SULT1B1: variants seen among roughly 807,000 people sequenced by gnomAD.
SULT1B1 encodes sulfotransferase family 1B member 1.
SULT1B1 carries 28 observed loss-of-function variants against 34.6 expected under a neutral mutation model. The ratio of observed to expected loss-of-function variants is 0.81; its 90% CI spans 0.60 to 1.11. The LOEUF (loss-of-function observed/expected upper bound fraction) is 1.11. Among genes scored for constraint, SULT1B1 ranks in the 50% least tolerant of loss-of-function variants. SULT1B1 has a pLI of 0.00. For synonymous variants in SULT1B1, 147 were observed against 110.2 expected, an observed-to-expected ratio of 1.33 and a Z score of -2.09; for missense variants, 374 against 352.2, an observed-to-expected ratio of 1.06 and a Z score of -0.50.
chr4:69,757,911 T>C (rs950627044), intron 1 of SULT1B1, among the ~76,000 whole-genome samples: 2 of 152,160 alleles, frequency 1.3e-5, no homozygotes, highest in Non-Finnish European at 2.9e-5. Flanking sequence ...AGTCTCAAAA[T>C]AGATTAGACA....
At chr4:69,744,326 G>T (rs982450970) in intron 4 of SULT1B1, among the ~76,000 whole-genome samples, 12 of 152,192 alleles carry the variant, frequency 7.9e-5, no homozygotes, top group African/African-American at 2.9e-4. Context: ...TTGTACAAAG[G>T]AACCCGACAC....
intron 1 of SULT1B1, among the ~76,000 whole-genome samples, chr4:69,755,526 A>G (rs1719156105): frequency 6.6e-6 from 1 of 152,174 alleles, no homozygotes; most frequent in Non-Finnish European, 1.5e-5. Context: ...AGCGTGTTTC[A>G]CAGAAATATG....
chr4:69,756,467 A>G (rs1015853419), intron 1 of SULT1B1, among the ~76,000 whole-genome samples: 1 of 152,170 alleles, frequency 6.6e-6, no homozygotes, highest in African/African-American at 2.4e-5. Flanking sequence ...TGGTAGACTG[A>G]GTGATTGTCC....
chr4:69,748,467 C>A (rs985842834), intron 4 of SULT1B1, among the ~76,000 whole-genome samples: 1 of 152,070 alleles, frequency 6.6e-6, no homozygotes, highest in African/African-American at 2.4e-5. Context: ...GATAGAACTG[C>A]TAGACATAAA....
intron 6 of SULT1B1, 127 bp from the exon 7 acceptor site, chr4:69,730,808 G>T: frequency 3.7e-6 from 3 of 803,672 alleles, no homozygotes; most frequent in South Asian, 2.2e-5. Context: ...ATTTGTTTGG[G>T]TTTTTCTCAA....
At position 69,734,185 on chromosome 4, in the gene SULT1B1, A is replaced by G. The variant is rs574561620; in HGVS notation, c.455T>C (p.Phe152Ser). 1.9e-6 allele frequency: 3 copies of G among 1,612,834 alleles called. No homozygotes were observed. Among genetic ancestry groups the G allele is most frequent in the Non-Finnish European group, 2.5e-6 (3 of 1,179,308 alleles). The stretch of plus-strand genomic sequence containing the variant: ...CAGATATTCTTCCCAGGTACCAGGA[A>G]AAGGCTGTAAATTATTCATTAAGTC... The part of the protein sequence containing the change: ...HFDLMNNLQP[F>S]PGTWEEYLEK... Residue 152 changes from phenylalanine to serine, a missense_variant, in exon 5 of 8, where the codon TTT (phenylalanine) becomes TCT (serine). Phe to Ser is a radical substitution (Grantham distance 155, BLOSUM62 -2). Transcript: ENST00000310613.
Position 69,734,332 on chromosome 4 carries a change from C to T in SULT1B1, c.376-68G>A, listed in dbSNP as rs560738567. 19 of 1,521,502 alleles carry T rather than the reference C, an allele frequency of 1.2e-5. No individual in the cohort carries two copies. In the East Asian group the frequency reaches 4.1e-4, roughly 33 times the overall value. The allele number at this position is 1,521,502 out of a possible 1,614,324, so 94.3% of individuals were successfully genotyped here. A position where few individuals can be genotyped will look rare whatever the true frequency, so the allele number is the denominator to read the frequency against. ...GACATTTTGTTTAGGAAAAAATTAA[C>T]CTATACGCATGTAAAAAAGCAGAGT... On this transcript the variant is annotated intron_variant, in intron 4 of 7. Transcript: ENST00000310613.
chr4:69,749,860 A>G, intron 3 of SULT1B1, 42 bp from the exon 4 acceptor site: 1 of 1,469,588 alleles, frequency 6.8e-7, no homozygotes, highest in South Asian at 1.1e-5. Context: ...TAGAGTCTCC[A>G]GAAAGGCTAC....
chr4:69,726,033 C>CAT lies in SULT1B1; in HGVS notation c.*1053_*1054dup, dbSNP rs756017821. 633 of 28,888 alleles carry CAT rather than the reference C, an allele frequency of 0.022. 30 individuals carry two copies. The highest frequency in any genetic ancestry group is 0.034 in the Non-Finnish European group (401 of 11,936). The allele number at this position is 28,888 out of a possible 1,614,324, so 1.8% of individuals were successfully genotyped here. Reference sequence around the variant, plus strand: ...ACTTAAAGTATAATAATAAAATGTACATATATATATATATATATATATATA... The same window carrying CAT: ...ACTTAAAGTATAATAATAAAATGTACATATATATATATATATATATATATATA... On this transcript the variant is annotated 3_prime_UTR_variant, in exon 8 of 8. Coordinates refer to ENST00000310613, the MANE Select transcript of SULT1B1 (RefSeq NM_014465.4).
intron 4 of SULT1B1, among the ~76,000 whole-genome samples, chr4:69,734,567 T>A (rs544944822): frequency 2.6e-5 from 4 of 152,164 alleles, no homozygotes; most frequent in Admixed American, 6.5e-5. Context: ...ATCTGCAAGG[T>A]CCTAGAACAC....
intron 7 of SULT1B1, 43 bp downstream of exon 7, chr4:69,730,458 T>A (rs1718028426): frequency 6.5e-7 from 1 of 1,546,192 alleles, no homozygotes; most frequent in African/African-American, 1.4e-5. Flanking sequence ...TGATAATTCA[T>A]AAGAAAGTAC....
chr4:69,739,476 C>T (rs1196156148), intron 4 of SULT1B1, among the ~76,000 whole-genome samples: 2 of 152,180 alleles, frequency 1.3e-5, no homozygotes, highest in Non-Finnish European at 2.9e-5. Context: ...TACATTGGCC[C>T]CTTTTAGCCA....
chr4:69,730,082 C>T (rs189949633), intron 7 of SULT1B1, among the ~76,000 whole-genome samples: 77 of 152,000 alleles, frequency 5.1e-4, no homozygotes, highest in African/African-American at 1.8e-3. Context: ...AATACAATTA[C>T]CATGGTTTTC....
chr4:69,721,508 G>T lies in SULT1B1; in HGVS notation c.*5580C>A, dbSNP rs1283755974. On this transcript the variant is annotated 3_prime_UTR_variant, in exon 8 of 8. Transcript: ENST00000310613. The stretch of plus-strand genomic sequence containing the variant: ...GTATATGAAAGGAATTACAAAATAT[G>T]GAGAAGGGTTGTATGTTGATTAATG... 2.0e-5 allele frequency: 3 copies of T among 152,132 alleles called. No individual in the cohort carries two copies. The East Asian group carries it at 5.8e-4, about 29-fold the overall frequency. 9.4% of individuals were successfully genotyped at this position (152,132 alleles called of 1,614,324 possible).
Position 69,733,490 on chromosome 4 carries a change from A to G in SULT1B1, c.520T>C (p.Phe174Leu), listed in dbSNP as rs746646694. 1 of 1,606,192 alleles carries G rather than the reference A, an allele frequency of 6.2e-7. No homozygotes were observed. The highest frequency in any genetic ancestry group is 8.5e-7 in the Non-Finnish European group (1 of 1,177,136). ...TTCCACCAGTTTTTAACATGAGTAA[A>G]CCAGGAACCATAGGCCACTAAAACC... ...LTGKVAYGSW[F>L]THVKNWWKKK... Residue 174 changes from phenylalanine (F) to leucine (L), a missense_variant, in exon 6 of 8, where the codon TTT becomes CTT. Transcript: ENST00000310613.
intron 3 of SULT1B1, among the ~76,000 whole-genome samples, chr4:69,754,419 A>C (rs1374610245): frequency 1.3e-5 from 2 of 152,194 alleles, no homozygotes; most frequent in Non-Finnish European, 2.9e-5. Flanking sequence ...AAGTCTTAAA[A>C]ATATTGTTTA....
chr4:69,740,863 A>C (rs900073166), intron 4 of SULT1B1, among the ~76,000 whole-genome samples: 2 of 151,888 alleles, frequency 1.3e-5, no homozygotes, highest in Non-Finnish European at 2.9e-5. Context: ...ATTTTCTCGC[A>C]TTTTCTATGC....
chr4:69,750,357 G>C lies in SULT1B1; in HGVS notation c.278-539C>G, dbSNP rs567750065. ...TCATATGTCTCTCCATATATGTATA[G>C]ACAGTAAAAATGTGTAATCTTTAGA... On this transcript the variant is annotated intron_variant, in intron 3 of 7. Transcript: ENST00000310613. Among the ~76,000 whole-genome samples, 53 of 152,100 alleles carry C rather than the reference G, an allele frequency of 3.5e-4. 1 individual carries two copies. Among genetic ancestry groups the C allele is most frequent in the Admixed American group, 5.9e-4 (9 of 15,290 alleles).
chr4:69,736,065 T>C lies in SULT1B1; in HGVS notation c.376-1801A>G, dbSNP rs151306833. On this transcript the variant is annotated intron_variant, in intron 4 of 7. Coordinates refer to ENST00000310613, the MANE Select transcript of SULT1B1 (RefSeq NM_014465.4). Reference sequence around the variant, plus strand: ...TGGGAGAGGGAGAGCACAGCAATTATGAGACATTGCATTGAACTCAGTGCT... The same window carrying C: ...TGGGAGAGGGAGAGCACAGCAATTACGAGACATTGCATTGAACTCAGTGCT... Among the ~76,000 whole-genome samples the C allele has an allele frequency of 4.6e-5, 7 of 152,288 alleles. No homozygotes were observed. The East Asian group carries it at 9.7e-4, about 21-fold the overall frequency.
Sources: gnomAD v4.1 joint callset for allele counts (sites outside exome capture counted in the v4.1 genomes callset) on GRCh38, gnomAD v4.1.1 for gene constraint, MANE v1.5 for transcripts, NCBI Gene and HGNC (gene_info 2026-07-23, HGNC 2026-07-21) for gene names.